The following TP53I3 variants were observed in gnomAD, a reference collection of about 807,000 sequenced individuals.
The protein encoded by TP53I3 is tumor protein p53 inducible protein 3.
In TP53I3, 32 loss-of-function variants were observed where a neutral mutation model predicts 27.7. The observed-to-expected ratio is 1.16, with a 90% CI of 0.87 to 1.55. The LOEUF is 1.55. TP53I3 is among the 40% of genes most tolerant of loss of function. The pLI is 0.00. For missense variants in TP53I3, 372 were observed against 412.3 expected, an observed-to-expected ratio of 0.90 and a Z score of 0.85; for synonymous variants, 138 against 167.8, an observed-to-expected ratio of 0.82 and a Z score of 1.37.
Position 24,077,581 on chromosome 2 carries a change from A to G in TP53I3, c.997T>C (p.Ter333ArgextTer44). ...GTCCTGTCCTGCCCCATCCTCCTTC[A>G]CTGGGGCAGTTCCAGGACGATCTTG... is the stretch of plus-strand genomic sequence containing the variant. ...IGKIVLELPQ[*>R] Residue 333 changes from the stop codon to arginine (R), a stop_lost, in exon 5 of 5, where the codon TGA (stop) becomes CGA (arginine). Transcript: ENST00000238721. This position sits in a 1 kb window ranked among gnomAD's most constrained non-coding sequence, Gnocchi z 5.5. The G allele has an allele frequency of 6.2e-7, 1 of 1,613,038 alleles. No homozygotes were observed.
chr2:24,083,482 C>T (rs1298190431), intron 1 of TP53I3, among the ~76,000 whole-genome samples: 1 of 152,130 alleles, frequency 6.6e-6, no homozygotes, highest in East Asian at 1.9e-4. Context: ...TCCCATGCAT[C>T]AAGCGCTAGG....
In TP53I3 at chr2:24,077,481, G is replaced by T. The variant is rs1664799823; in HGVS notation, c.*98C>A. ...CATATCAGCTTTAAACGGCTCTGGA[G>T]GAAGCACCGGGTTTCTTGGCCTGTC... On this transcript the variant is annotated 3_prime_UTR_variant, in exon 5 of 5. Coordinates refer to ENST00000238721, the MANE Select transcript of TP53I3 (RefSeq NM_004881.5). This position sits in a 1 kb window ranked among gnomAD's most constrained non-coding sequence, Gnocchi z 5.5. The T allele has an allele frequency of 7.3e-7, 1 of 1,378,448 alleles. No homozygotes were observed. The highest frequency in any genetic ancestry group is 2.7e-5 in the Admixed American group (1 of 36,656). 85.4% of individuals were successfully genotyped at this position (1,378,448 alleles called of 1,614,324 possible).
Position 24,077,685 on chromosome 2 carries a change from A to G in TP53I3, c.893T>C (p.Leu298Pro), listed in dbSNP as rs1457022252. 2 of 1,613,990 alleles carry G rather than the reference A, an allele frequency of 1.2e-6. No individual in the cohort carries two copies. The highest frequency in any genetic ancestry group is 2.7e-5 in the African/African-American group (2 of 74,902). The stretch of plus-strand genomic sequence containing the variant: ...TGGGTAGATTCTGTCCAGAACCGGC[A>G]GCAGACGTTGGGGGCCCTCCGTGGA... ...HFSTEGPQRL[L>P]PVLDRIYPVT... is the part of the protein sequence containing the mutation. The change falls in exon 5 of 5, where the codon CTG (leucine) becomes CCG (proline). Residue 298 changes from leucine to proline, a missense_variant. Leu to Pro is a moderately conservative substitution (Grantham distance 98). Coordinates refer to ENST00000238721, the MANE Select transcript of TP53I3 (RefSeq NM_004881.5). This position sits in a 1 kb window ranked among gnomAD's most constrained non-coding sequence, Gnocchi z 5.5.
Position 24,077,836 on chromosome 2 carries a change from T to G in TP53I3, c.817-75A>C. The G allele has an allele frequency of 6.6e-7, 1 of 1,511,728 alleles. No individual in the cohort carries two copies. The highest frequency in any genetic ancestry group is 2.0e-5 in the Admixed American group (1 of 49,364). 93.6% of individuals were successfully genotyped at this position (1,511,728 alleles called of 1,614,324 possible). On this transcript the variant is annotated intron_variant, in intron 4 of 4. Coordinates refer to ENST00000238721, the MANE Select transcript of TP53I3 (RefSeq NM_004881.5). This position sits in a 1 kb window ranked among gnomAD's most constrained non-coding sequence, Gnocchi z 5.5. ...GCCCTCCTCATCCTCCTCAGCCTTC[T>G]TGCTCTCTCTGAAGCCACGTATCTG...
At chr2:24,083,191 A>G in intron 1 of TP53I3, 39 bp from the exon 2 acceptor site, 1 of 1,547,430 alleles carries the variant, frequency 6.5e-7, no homozygotes, top group Non-Finnish European at 8.7e-7. Flanking sequence ...GAGCATGATC[A>G]GAAATCTGTA....
chr2:24,081,124 C>A, intron 2 of TP53I3, 93 bp from the exon 3 acceptor site: 1 of 621,946 alleles, frequency 1.6e-6, no homozygotes, highest in Non-Finnish European at 2.1e-6. Flanking sequence ...GCCGTTGCAC[C>A]AAATGCCAAA....
chr2:24,079,399 C>T, intron 4 of TP53I3, 45 bp downstream of exon 4: 1 of 1,597,160 alleles, frequency 6.3e-7, no homozygotes, highest in South Asian at 1.1e-5. Flanking sequence ...ATGAACCACA[C>T]TTTTCTGGGT....
Position 24,083,168 on chromosome 2 carries a change from T to G in TP53I3, c.139-16A>C. On this transcript the variant is annotated splice_polypyrimidine_tract_variant and intron_variant, in intron 1 of 4. Transcript: ENST00000238721. ...GGCCTTGTCTCTGCAGAGAAAGAAG[T>G]GCACTAAGTGGTGAGCATGATCAGA... 1 of 1,585,092 alleles carries G rather than the reference T, an allele frequency of 6.3e-7. No individual in the cohort carries two copies. The highest frequency in any genetic ancestry group is 8.6e-7 in the Non-Finnish European group (1 of 1,160,854).
At chr2:24,079,349 C>T (rs147706045) in intron 4 of TP53I3, 95 bp downstream of exon 4, 17 of 1,373,430 alleles carry the variant, frequency 1.2e-5, no homozygotes, top group Middle Eastern at 1.9e-4. Flanking sequence ...AACTAACCTC[C>T]GTAATCTAAG....
Position 24,080,674 on chromosome 2 carries a change from C to A in TP53I3, c.619+145G>T. 1.2e-6 allele frequency: 1 copy of A among 852,482 alleles called. No individual in the cohort carries two copies. The allele number at this position is 852,482 out of a possible 1,614,324, so 52.8% of individuals were successfully genotyped here. A position where few individuals can be genotyped will look rare whatever the true frequency, so the allele number is the denominator to read the frequency against. On this transcript the variant is annotated intron_variant, in intron 3 of 4. Coordinates refer to ENST00000238721, the MANE Select transcript of TP53I3 (RefSeq NM_004881.5). This position sits in a 1 kb window ranked among gnomAD's most constrained non-coding sequence, Gnocchi z 4.7. ...ACTGCCTGTCTCCAGTGGTCAAATA[C>A]CATAGTACTAGAATTTGGCCAGGGC... is the stretch of plus-strand genomic sequence containing the variant.
At chr2:24,078,326 G>C (rs919113368) in intron 4 of TP53I3, among the ~76,000 whole-genome samples, 1 of 151,980 alleles carries the variant, frequency 6.6e-6, no homozygotes, top group African/African-American at 2.4e-5. Flanking sequence ...ACTTGAGCCT[G>C]GGAGTTTGAG....
intron 2 of TP53I3, among the ~76,000 whole-genome samples, chr2:24,082,506 A>G (rs577162165): frequency 1.3e-5 from 2 of 152,346 alleles, no homozygotes; most frequent in East Asian, 3.9e-4. Flanking sequence ...GCAAGGACCA[A>G]GTCTTCTTAG....
chr2:24,077,720 C>T lies in TP53I3; in HGVS notation c.858G>A (p.Leu286=). 1.9e-6 allele frequency: 3 copies of T among 1,613,978 alleles called. No individual in the cohort carries two copies. The highest frequency in any genetic ancestry group is 2.5e-6 in the Non-Finnish European group (3 of 1,179,934). Residue 286 remains leucine (L), a synonymous_variant, in exon 5 of 5, where the codon CTG becomes CTA. Transcript: ENST00000238721. The surrounding 1 kb of genome is among the most constrained non-coding windows in gnomAD (Gnocchi z 5.5). ...MLVNAFTEQI[L]PHFSTEGPQR... ...GGGGGCCCTCCGTGGAGAAGTGAGG[C>T]AGAATTTGCTCCGTGAAAGCATTCA...
chr2:24,079,927 C>G (rs978876845), intron 3 of TP53I3, among the ~76,000 whole-genome samples: 2 of 152,152 alleles, frequency 1.3e-5, no homozygotes, highest in African/African-American at 4.8e-5. Context: ...CCACTGACAC[C>G]CAGGCACGAT....
rs1436397692 is a variant in TP53I3 at position 24,080,153 on chromosome 2, T to C, written c.620-513A>G. 6.6e-6 allele frequency among the ~76,000 whole-genome samples: 1 copy of C among 152,112 alleles called. No homozygotes were observed. Among genetic ancestry groups the C allele is most frequent in the Non-Finnish European group, 1.5e-5 (1 of 68,018 alleles). Reference sequence around the variant, plus strand: ...AGGTGGATCACCTGAGGTCAGGAGTTCGAGACCAGCCTGGCCAACATAGTG... The same window carrying C: ...AGGTGGATCACCTGAGGTCAGGAGTCCGAGACCAGCCTGGCCAACATAGTG... On this transcript the variant is annotated intron_variant, in intron 3 of 4. Transcript: ENST00000238721. The surrounding 1 kb of genome is among the most constrained non-coding windows in gnomAD (Gnocchi z 4.7).
Position 24,079,576 on chromosome 2 carries a change from G to A in TP53I3, c.684C>T (p.Cys228=). 6.2e-7 allele frequency: 1 copy of A among 1,614,094 alleles called. No homozygotes were observed. Among genetic ancestry groups the A allele is most frequent in the East Asian group, 2.2e-5 (1 of 44,874 alleles). Residue 228 remains cysteine (C), a synonymous_variant, in exon 4 of 5, where the codon TGC becomes TGT. Coordinates refer to ENST00000238721, the MANE Select transcript of TP53I3 (RefSeq NM_004881.5). ...GAACCCATCGACCATCAAGAGCCAG[G>A]CAGTTGACGTTCTTCTCCCAGTAGG... ...GGSYWEKNVN[C]LALDGRWVLY... is the part of the protein sequence containing the mutation.
Position 24,077,908 on chromosome 2 carries a change from T to C in TP53I3, c.817-147A>G, listed in dbSNP as rs1437950560. 1.6e-5 allele frequency: 13 copies of C among 790,332 alleles called. No individual in the cohort carries two copies. The highest frequency in any genetic ancestry group is 2.6e-5 in the Non-Finnish European group (13 of 503,670). The allele number at this position is 790,332 out of a possible 1,614,324, so 49.0% of individuals were successfully genotyped here. A position where few individuals can be genotyped will look rare whatever the true frequency, so the allele number is the denominator to read the frequency against. ...AACCCCTCACTTCCTAGCATGTGTG[T>C]GAAATACCCTTGAAGGAGTCATGTG... On this transcript the variant is annotated intron_variant, in intron 4 of 4. Coordinates refer to ENST00000238721, the MANE Select transcript of TP53I3 (RefSeq NM_004881.5). This position sits in a 1 kb window ranked among gnomAD's most constrained non-coding sequence, Gnocchi z 5.5.
chr2:24,084,117 A>G lies in TP53I3; in HGVS notation c.138+72T>C, dbSNP rs916643660. ...CGGTGCACGCCTTCACGTCTGGTCA[A>G]TGTCCACTGAGTGCTGTTGAGAGGG... On this transcript the variant is annotated intron_variant, in intron 1 of 4. Coordinates refer to ENST00000238721, the MANE Select transcript of TP53I3 (RefSeq NM_004881.5). The surrounding 1 kb of genome is among the most constrained non-coding windows in gnomAD (Gnocchi z 8.4). The G allele has an allele frequency of 1.2e-5, 19 of 1,532,380 alleles. No homozygotes were observed. Among genetic ancestry groups the G allele is most frequent in the South Asian group, 5.0e-5 (4 of 80,544 alleles). The allele number at this position is 1,532,380 out of a possible 1,614,324, so 94.9% of individuals were successfully genotyped here.
Position 24,084,355 on chromosome 2 carries a change from G to GGA in TP53I3, c.-30_-29insTC, listed in dbSNP as rs1558363065. The GGA allele has an allele frequency of 2.2e-6, 3 of 1,376,130 alleles. No homozygotes were observed. Among genetic ancestry groups the GGA allele is most frequent in the East Asian group, 5.1e-5 (2 of 38,978 alleles). The allele number at this position is 1,376,130 out of a possible 1,614,324, so 85.2% of individuals were successfully genotyped here. A position where few individuals can be genotyped will look rare whatever the true frequency, so the allele number is the denominator to read the frequency against. ...GTCTGAGGACACAGGGCAGGGCAGGGCAGGACAGGACAGGGCAGGGCAGGG... is the reference window on the plus strand; with the variant it reads ...GTCTGAGGACACAGGGCAGGGCAGGGGACAGGACAGGACAGGGCAGGGCAGGG... On this transcript the variant is annotated 5_prime_UTR_variant, in exon 1 of 5. Coordinates refer to ENST00000238721, the MANE Select transcript of TP53I3 (RefSeq NM_004881.5). The surrounding 1 kb of genome is among the most constrained non-coding windows in gnomAD (Gnocchi z 8.4).
Sources: gnomAD v4.1 joint callset for allele counts (sites outside exome capture counted in the v4.1 genomes callset) on GRCh38, gnomAD v4.1.1 for gene constraint, Gnocchi (gnomAD v3.1) non-coding constraint, MANE v1.5 for transcripts, NCBI Gene and HGNC (gene_info 2026-07-23, HGNC 2026-07-21) for gene names.